DSCAML1: variants seen among roughly 807,000 people sequenced by gnomAD.
The protein encoded by DSCAML1 is DS cell adhesion molecule like 1.
Under a neutral mutation model 200.5 loss-of-function variants are expected in DSCAML1, and 38 were observed. The ratio of observed to expected loss-of-function variants is 0.19; its 90% CI spans 0.15 to 0.25. DSCAML1 has a LOEUF of 0.25. Among genes scored for constraint, DSCAML1 ranks in the 10% least tolerant of loss-of-function variants. The pLI is 1.00. For missense variants in DSCAML1, 2,223 were observed against 2,858.8 expected, an observed-to-expected ratio of 0.78 and a Z score of 5.07; for synonymous variants, 1,215 against 1,165.0, an observed-to-expected ratio of 1.04 and a Z score of -0.87.
intron 3 of DSCAML1, among the ~76,000 whole-genome samples, chr11:117,723,989 C>T (rs2054080477): frequency 6.6e-6 from 1 of 152,238 alleles, no homozygotes. Context: ...CAAAAGAGAG[C>T]TTGGCTACGG....
chr11:117,643,761 C>T (rs1020624657), intron 3 of DSCAML1, among the ~76,000 whole-genome samples: 14 of 152,148 alleles, frequency 9.2e-5, no homozygotes, highest in African/African-American at 2.7e-4. Context: ...TCGCCACCAG[C>T]ACTTATACCG....
chr11:117,439,040 G>C, intron 23 of DSCAML1, 57 bp from the exon 24 acceptor site: 3 of 1,506,150 alleles, frequency 2.0e-6, no homozygotes, highest in Non-Finnish European at 2.7e-6. Flanking sequence ...GATGGGGTGT[G>C]GGGAGTCCCC....
chr11:117,439,120 C>G (rs557306363), intron 23 of DSCAML1, 137 bp from the exon 24 acceptor site: 8 of 1,357,136 alleles, frequency 5.9e-6, no homozygotes, highest in Middle Eastern at 1.9e-4. Flanking sequence ...TCCTGCCTCC[C>G]CTTCCATGTG....
intron 3 of DSCAML1, among the ~76,000 whole-genome samples, chr11:117,734,588 C>T (rs1436944975): frequency 1.3e-5 from 2 of 152,216 alleles, no homozygotes; most frequent in African/African-American, 4.8e-5. Flanking sequence ...AGAGCCCCAT[C>T]CCTGCACCCC....
upstream of DSCAML1, among the ~76,000 whole-genome samples, chr11:117,799,488 A>G (rs1257802483): frequency 6.6e-6 from 1 of 152,190 alleles, no homozygotes; most frequent in African/African-American, 2.4e-5. Context: ...AAGAACCACA[A>G]CATGTGTGTT....
At chr11:117,777,308 G>A (rs906609626) in intron 2 of DSCAML1, among the ~76,000 whole-genome samples, 1 of 152,204 alleles carries the variant, frequency 6.6e-6, no homozygotes, top group Non-Finnish European at 1.5e-5. Context: ...TATTCACCAA[G>A]GGGATGTGCA....
Position 117,593,960 on chromosome 11 carries a change from G to A in DSCAML1, c.512-61438C>T, listed in dbSNP as rs531424101. ...GATCTCCTGACCTCGTGATCCGCCC[G>A]CCTCAGCCTTCCAAAGTGCTGGGAT... On this transcript the variant is annotated intron_variant, in intron 3 of 32. Coordinates refer to ENST00000651296, the MANE Select transcript of DSCAML1 (RefSeq NM_020693.4). 3.9e-5 allele frequency among the ~76,000 whole-genome samples: 6 copies of A among 152,152 alleles called. No individual in the cohort carries two copies. In the East Asian group the frequency reaches 9.7e-4, roughly 25 times the overall value.
chr11:117,550,999 T>C (rs1248796419), intron 3 of DSCAML1, among the ~76,000 whole-genome samples: 4 of 152,216 alleles, frequency 2.6e-5, no homozygotes, highest in Non-Finnish European at 5.9e-5. Flanking sequence ...AGGATGCCCC[T>C]TTTCTCTGTC....
intron 3 of DSCAML1, among the ~76,000 whole-genome samples, chr11:117,761,119 A>G (rs1329376992): frequency 1.3e-5 from 2 of 152,110 alleles, no homozygotes; most frequent in East Asian, 3.9e-4. Context: ...TTGGACACAC[A>G]GCCCACCGAG....
rs781537743 is a variant in DSCAML1 at position 117,437,980 on chromosome 11, C to T, written c.4347G>A (p.Thr1449=). Residue 1449 remains threonine, a synonymous_variant, in exon 25 of 33, where the codon ACG becomes ACA. Coordinates refer to ENST00000651296, the MANE Select transcript of DSCAML1 (RefSeq NM_020693.4). The surrounding 1 kb of genome is among the most constrained non-coding windows in gnomAD (Gnocchi z 5.3). ...SFKLDSLKCG[T]WYKVKLAAKN... is the part of the protein sequence containing the mutation. Reference sequence around the variant, plus strand: ...TGGCTGCCAGCTTCACCTTGTACCACGTGCCACACTTGAGGCTGTCCAGCT... The same window carrying T: ...TGGCTGCCAGCTTCACCTTGTACCATGTGCCACACTTGAGGCTGTCCAGCT... 9.3e-6 allele frequency: 15 copies of T among 1,614,036 alleles called. No individual in the cohort carries two copies. Among genetic ancestry groups the T allele is most frequent in the East Asian group, 4.5e-5 (2 of 44,888 alleles).
chr11:117,669,790 A>G (rs1194057561), intron 3 of DSCAML1, among the ~76,000 whole-genome samples: 1 of 152,244 alleles, frequency 6.6e-6, no homozygotes, highest in African/African-American at 2.4e-5. Flanking sequence ...GAACATGTGC[A>G]AAGGCCCTGG....
At chr11:117,779,584 A>T (rs1374220406) in intron 2 of DSCAML1, among the ~76,000 whole-genome samples, 1 of 152,200 alleles carries the variant, frequency 6.6e-6, no homozygotes, top group Non-Finnish European at 1.5e-5. Context: ...ATGATAGAAC[A>T]CTAGGCAGCA....
chr11:117,816,775 CAA>C (rs1183275913), intron 1 of DSCAML1, among the ~76,000 whole-genome samples: 2 of 141,536 alleles, frequency 1.4e-5, no homozygotes, highest in Non-Finnish European at 3.0e-5. Flanking sequence ...GCTCCCTGTA[CAA>C]GAGAGAGAGT....
Position 117,438,965 on chromosome 11 carries a change from C to A in DSCAML1, c.4163G>T (p.Arg1388Leu), listed in dbSNP as rs754281658. The A allele has an allele frequency of 8.7e-6, 14 of 1,606,068 alleles. No homozygotes were observed. The East Asian group carries it at 2.9e-4, about 33-fold the overall frequency. Residue 1388 changes from arginine to leucine, a missense_variant, in exon 24 of 33, where the codon CGC (arginine) becomes CTC (leucine). Transcript: ENST00000651296. ...LLVQVPPDQPRLTVSKTSASS... is the reference protein window; with the variant it reads ...LLVQVPPDQPLLTVSKTSASS... ...AGCTGAGGTTTTGGAGACAGTGAGG[C>A]GGGGCTGGTCCGGGGGAACTGTGAG... is the stretch of plus-strand genomic sequence containing the variant.
chr11:117,630,658 CA>C (rs56741831), intron 3 of DSCAML1, among the ~76,000 whole-genome samples: 828 of 45,520 alleles, frequency 0.018, 3 homozygotes, highest in Middle Eastern at 0.056. Context: ...ATAAAGTGGC[CA>C]AAAAAAAAAA....
chr11:117,433,567 T>TAA (rs2047848391), intron 27 of DSCAML1, 96 bp from the exon 28 acceptor site: 2 of 1,378,230 alleles, frequency 1.5e-6, no homozygotes, highest in Non-Finnish European at 2.0e-6. Context: ...GAGAATTCCT[T>TAA]AAAATGGGGC....
intron 3 of DSCAML1, among the ~76,000 whole-genome samples, chr11:117,703,629 C>T (rs1169045333): frequency 6.6e-6 from 1 of 152,232 alleles, no homozygotes; most frequent in East Asian, 1.9e-4. Flanking sequence ...CAGCACCTGG[C>T]AATCAAGGTA....
chr11:117,765,996 C>T (rs1376724694), intron 3 of DSCAML1, among the ~76,000 whole-genome samples: 1 of 152,182 alleles, frequency 6.6e-6, no homozygotes, highest in East Asian at 1.9e-4. Flanking sequence ...CGCACCTGCC[C>T]CTTCATTCTC....
At chr11:117,644,403 C>T (rs765271204) in intron 3 of DSCAML1, among the ~76,000 whole-genome samples, 2 of 152,256 alleles carry the variant, frequency 1.3e-5, no homozygotes, top group Admixed American at 6.5e-5. Context: ...GCAATGTATC[C>T]GACCTGCTCC....
Sources: gnomAD v4.1 joint callset for allele counts (sites outside exome capture counted in the v4.1 genomes callset) on GRCh38, gnomAD v4.1.1 for gene constraint, Gnocchi (gnomAD v3.1) non-coding constraint, MANE v1.5 for transcripts, NCBI Gene and HGNC (gene_info 2026-07-23, HGNC 2026-07-21) for gene names.